AP3S1: variants seen among roughly 807,000 people sequenced by gnomAD.
The protein encoded by AP3S1 is adaptor related protein complex 3 subunit sigma 1.
A neutral mutation model predicts 21.3 loss-of-function variants in AP3S1; 12 were observed. That is an observed-to-expected ratio of 0.56 (90% CI 0.36 to 0.91). The LOEUF is 0.91. Among genes scored for constraint, AP3S1 ranks in the 40% least tolerant of loss-of-function variants. The pLI is 0.01. For missense variants in AP3S1, 116 were observed against 225.0 expected (o/e 0.52, Z 3.10); for synonymous variants, 48 against 78.4 (o/e 0.61, Z 2.05).
rs577565920 is a variant in AP3S1, at chr5:115,897,853, C to T, written c.345+2695C>T. ...CTGGGATTGCAGGTGTGAGCCACCACGCCCGGCCACAGCTCACATTTTCTT... is the reference window on the plus strand; with the variant it reads ...CTGGGATTGCAGGTGTGAGCCACCATGCCCGGCCACAGCTCACATTTTCTT... On this transcript the variant is annotated intron_variant, in intron 4 of 5. Transcript: ENST00000316788. Among the ~76,000 whole-genome samples, 23 of 152,238 alleles carry T rather than the reference C, an allele frequency of 1.5e-4. No homozygotes were observed. The South Asian group carries it at 3.9e-3, about 26-fold the overall frequency.
chr5:115,855,960 G>T (rs1762772727), intron 1 of AP3S1, among the ~76,000 whole-genome samples: 1 of 152,176 alleles, frequency 6.6e-6, no homozygotes, highest in South Asian at 2.1e-4. Context: ...CGTAGGAAAA[G>T]AGAAAATATT....
intron 3 of AP3S1, among the ~76,000 whole-genome samples, chr5:115,889,297 T>C (rs1397425223): frequency 6.6e-6 from 1 of 151,874 alleles, no homozygotes; most frequent in East Asian, 1.9e-4. Context: ...ACTAGAAAAA[T>C]TAAGAAAGAA....
At chr5:115,858,844 A>G (rs140857596) in intron 1 of AP3S1, among the ~76,000 whole-genome samples, 7 of 150,310 alleles carry the variant, frequency 4.7e-5, no homozygotes, top group African/African-American at 1.5e-4. Context: ...TATTAATGAT[A>G]TATATTTTTA....
At chr5:115,904,844 G>C (rs1751504034) in intron 5 of AP3S1, among the ~76,000 whole-genome samples, 2 of 151,996 alleles carry the variant, frequency 1.3e-5, no homozygotes, top group Non-Finnish European at 2.9e-5. Flanking sequence ...AAATGCCAAG[G>C]GACAAACAGT....
At chr5:115,888,376 G>C (rs1749982353) in intron 3 of AP3S1, among the ~76,000 whole-genome samples, 1 of 151,718 alleles carries the variant, frequency 6.6e-6, no homozygotes, top group Non-Finnish European at 1.5e-5. Context: ...TCAGTTATTT[G>C]TTTTTTGTTG....
chr5:115,855,203 CT>C (rs1252677231), intron 1 of AP3S1, among the ~76,000 whole-genome samples: 3 of 151,748 alleles, frequency 2.0e-5, no homozygotes, highest in Admixed American at 2.0e-4. Flanking sequence ...TGCCTCACCA[CT>C]TTTTTTGTAT....
intron 3 of AP3S1, among the ~76,000 whole-genome samples, chr5:115,891,900 A>T (rs1051290706): frequency 6.6e-6 from 1 of 152,224 alleles, no homozygotes; most frequent in African/African-American, 2.4e-5. Context: ...TGGATGTGAG[A>T]CATGGAGTCA....
rs371187082 is a variant in AP3S1 at position 115,880,709 on chromosome 5, A to G, written c.273+10581A>G. ...GGGGTGGAGCATTCTGTAGATGTCT[A>G]TTAGGTCCACTTGGTCCACAGCTGA... is the stretch of plus-strand genomic sequence containing the variant. On this transcript the variant is annotated intron_variant, in intron 3 of 5. Coordinates refer to ENST00000316788, the MANE Select transcript of AP3S1 (RefSeq NM_001284.4). Among the ~76,000 whole-genome samples the G allele has an allele frequency of 2.4e-4, 37 of 152,290 alleles. No homozygotes were observed. The South Asian group carries it at 7.2e-3, about 30-fold the overall frequency.
chr5:115,853,778 C>A (rs573004456), intron 1 of AP3S1, among the ~76,000 whole-genome samples: 1 of 152,252 alleles, frequency 6.6e-6, no homozygotes, highest in Middle Eastern at 3.4e-3. Flanking sequence ...TTATCTTGTT[C>A]TTGGAGTTCT....
intron 3 of AP3S1, among the ~76,000 whole-genome samples, chr5:115,876,853 C>T (rs750039996): frequency 6.6e-6 from 1 of 152,068 alleles, no homozygotes; most frequent in African/African-American, 2.4e-5. Context: ...AATGTTATGT[C>T]CATAGTGCAT....
At chr5:115,880,337 A>G (rs1749164884) in intron 3 of AP3S1, among the ~76,000 whole-genome samples, 1 of 152,136 alleles carries the variant, frequency 6.6e-6, no homozygotes, top group South Asian at 2.1e-4. Flanking sequence ...TGGAGATTTT[A>G]GTGCTATGAA....
In AP3S1 at chr5:115,879,477, T is replaced by A. The variant is rs914134147; in HGVS notation, c.273+9349T>A. 3.3e-5 allele frequency among the ~76,000 whole-genome samples: 5 copies of A among 152,246 alleles called. No individual in the cohort carries two copies. The East Asian group carries it at 9.6e-4, about 29-fold the overall frequency. On this transcript the variant is annotated intron_variant, in intron 3 of 5. Transcript: ENST00000316788. ...TAATCATGTGGTTTTTGTGACTGGTTCTGTTTATGTGATGGATTACGTTTA... is the reference window on the plus strand; with the variant it reads ...TAATCATGTGGTTTTTGTGACTGGTACTGTTTATGTGATGGATTACGTTTA...
At chr5:115,883,195 C>T (rs1749464181) in intron 3 of AP3S1, among the ~76,000 whole-genome samples, 1 of 152,230 alleles carries the variant, frequency 6.6e-6, no homozygotes, top group Non-Finnish European at 1.5e-5. Flanking sequence ...CTTCAGCCCC[C>T]TTTCCAGGGG....
At chr5:115,892,742 A>G (rs1177420312) in intron 3 of AP3S1, among the ~76,000 whole-genome samples, 1 of 152,188 alleles carries the variant, frequency 6.6e-6, no homozygotes, top group Non-Finnish European at 1.5e-5. Context: ...AAGACCTACT[A>G]TTTGATAGCT....
intron 5 of AP3S1, among the ~76,000 whole-genome samples, chr5:115,908,320 G>A (rs1388033385): frequency 6.6e-6 from 1 of 152,106 alleles, no homozygotes; most frequent in Non-Finnish European, 1.5e-5. Flanking sequence ...ACTTGGGTCT[G>A]TTAACTTTAT....
chr5:115,851,350 A>T (rs1366107783), intron 1 of AP3S1, among the ~76,000 whole-genome samples: 1 of 152,092 alleles, frequency 6.6e-6, no homozygotes. Context: ...CCAGAAGTGG[A>T]ATTGTTAGAT....
intron 4 of AP3S1, among the ~76,000 whole-genome samples, chr5:115,902,370 A>G (rs6594909): frequency 0.2 from 31,014 of 151,962 alleles, 3,745 homozygotes; most frequent in African/African-American, 0.32. Flanking sequence ...GGGGGTAAAA[A>G]CACTATTAAA....
chr5:115,864,048 G>A (rs1214328981), intron 1 of AP3S1, among the ~76,000 whole-genome samples: 3 of 152,218 alleles, frequency 2.0e-5, no homozygotes, highest in Admixed American at 6.5e-5. Context: ...TAGTAAGGAA[G>A]AGGAACAAGC....
intron 1 of AP3S1, among the ~76,000 whole-genome samples, chr5:115,843,685 A>G (rs1580595692): frequency 3.9e-5 from 6 of 152,320 alleles, no homozygotes. Context: ...TCAAAAAATT[A>G]TTTTTCCATA....
Sources: allele counts gnomAD v4.1 joint callset (sites outside exome capture counted in the v4.1 genomes callset), GRCh38; gene constraint gnomAD v4.1.1; transcripts MANE v1.5; gene names NCBI Gene and HGNC (gene_info 2026-07-23, HGNC 2026-07-21).